NELL1: variants seen among roughly 807,000 people sequenced by gnomAD.
NELL1 encodes the protein neural EGFL like 1.
NELL1 carries 76 observed loss-of-function variants against 107.4 expected under a neutral mutation model. The observed-to-expected ratio is 0.71, with a 90% confidence interval of 0.59 to 0.86. NELL1 has a LOEUF of 0.86. Among genes scored for constraint, NELL1 ranks in the 40% least tolerant of loss-of-function variants. The pLI, the probability that NELL1 is intolerant of heterozygous loss-of-function variation, is 0.00. For missense variants in NELL1, 1,024 were observed against 1,005.5 expected (o/e 1.02, Z -0.25); for synonymous variants, 353 against 341.2 (o/e 1.03, Z -0.38).
At chr11:20,878,613 T>TTA (rs1364015875) in intron 4 of NELL1, among the ~76,000 whole-genome samples, 2 of 152,158 alleles carry the variant, frequency 1.3e-5, no homozygotes, top group Non-Finnish European at 2.9e-5. Flanking sequence ...TTGAAAAGGG[T>TTA]TATTACATTT....
At chr11:21,339,548 G>A (rs563346473) in intron 14 of NELL1, among the ~76,000 whole-genome samples, 4 of 152,256 alleles carry the variant, frequency 2.6e-5, no homozygotes, top group South Asian at 2.1e-4. Context: ...TCTTTTCATC[G>A]TGTCAGTGCC....
At chr11:21,389,573 G>GAT (rs765790471) in intron 15 of NELL1, among the ~76,000 whole-genome samples, 3 of 151,792 alleles carry the variant, frequency 2.0e-5, no homozygotes, top group South Asian at 2.1e-4. Flanking sequence ...TGAAAACTAT[G>GAT]ATATGTATAT....
At chr11:21,495,981 T>G (rs907687579) in intron 15 of NELL1, among the ~76,000 whole-genome samples, 2 of 152,114 alleles carry the variant, frequency 1.3e-5, no homozygotes, top group South Asian at 4.1e-4. Context: ...ACTTTAAAAA[T>G]AATTTAGAAC....
rs1854099834 is a variant in NELL1, at chr11:20,677,931, G to C, written c.56-1G>C. On this transcript the variant is annotated splice_acceptor_variant, in intron 1 of 19. Coordinates refer to ENST00000357134, the MANE Select transcript of NELL1 (RefSeq NM_006157.5). LOFTEE classifies it high-confidence loss of function. ...CCAAACAACTCTTTGTTCCTTTCCA[G>C]TGGTGGGCTTTGGGATGGACCCTGA... 3.7e-6 allele frequency: 6 copies of C among 1,614,064 alleles called. No individual in the cohort carries two copies. Among genetic ancestry groups the C allele is most frequent in the South Asian group, 1.1e-5 (1 of 91,044 alleles).
chr11:20,942,231 A>G (rs1309531700), intron 10 of NELL1, among the ~76,000 whole-genome samples: 2 of 152,172 alleles, frequency 1.3e-5, no homozygotes, highest in African/African-American at 4.8e-5. Flanking sequence ...ACTGTACCCT[A>G]AAGGTTAGCT....
chr11:21,324,457 T>G (rs1194496179), intron 14 of NELL1, among the ~76,000 whole-genome samples: 1 of 152,086 alleles, frequency 6.6e-6, no homozygotes, highest in Non-Finnish European at 1.5e-5. Flanking sequence ...GATTTTACAT[T>G]TTCTTCTAAT....
chr11:21,389,525 A>G (rs1851820082), intron 15 of NELL1, among the ~76,000 whole-genome samples: 1 of 151,780 alleles, frequency 6.6e-6, no homozygotes, highest in African/African-American at 2.4e-5. Flanking sequence ...AAGAGGGAAA[A>G]GCAGGTCTGG....
At chr11:20,715,059 T>A (rs569518079) in intron 2 of NELL1, among the ~76,000 whole-genome samples, 1 of 151,872 alleles carries the variant, frequency 6.6e-6, no homozygotes, top group Non-Finnish European at 1.5e-5. Flanking sequence ...CTGGCTAACA[T>A]GGTGAAACCC....
At chr11:20,714,839 C>T (rs1855201776) in intron 2 of NELL1, among the ~76,000 whole-genome samples, 1 of 152,114 alleles carries the variant, frequency 6.6e-6, no homozygotes, top group Non-Finnish European at 1.5e-5. Flanking sequence ...AAATCAAAGA[C>T]AAAAGGCAAA....
chr11:20,930,787 CACTA>C (rs1256936690), intron 9 of NELL1, among the ~76,000 whole-genome samples: 1 of 149,878 alleles, frequency 6.7e-6, no homozygotes, highest in Admixed American at 6.6e-5. Flanking sequence ...TTGATACACA[CACTA>C]ACTAAAACAT....
intron 2 of NELL1, among the ~76,000 whole-genome samples, chr11:20,704,679 A>C (rs947406925): frequency 1.3e-4 from 20 of 152,024 alleles, no homozygotes; most frequent in African/African-American, 4.8e-4. Flanking sequence ...TTCCTTCAGG[A>C]GCTCTTGTAA....
intron 3 of NELL1, among the ~76,000 whole-genome samples, chr11:20,784,400 T>TC (rs2133983262): frequency 6.6e-6 from 1 of 152,338 alleles, no homozygotes; most frequent in South Asian, 2.1e-4. Flanking sequence ...GTGAGTATTC[T>TC]ACATGCTGAA....
intron 15 of NELL1, among the ~76,000 whole-genome samples, chr11:21,473,630 G>T (rs527748436): frequency 5.9e-5 from 9 of 152,054 alleles, no homozygotes; most frequent in Admixed American, 5.9e-4. Context: ...AGCTAACTTG[G>T]CATTCCCTTA....
chr11:20,698,347 G>T (rs187647132), intron 2 of NELL1, among the ~76,000 whole-genome samples: 1 of 152,104 alleles, frequency 6.6e-6, no homozygotes, highest in African/African-American at 2.4e-5. Context: ...CACTTCTACC[G>T]TCTGCACTAA....
intron 12 of NELL1, among the ~76,000 whole-genome samples, chr11:21,103,339 A>T (rs187524725): frequency 2.0e-4 from 30 of 152,258 alleles, no homozygotes; most frequent in Admixed American, 4.6e-4. Context: ...AACTGTGGGA[A>T]ATTGCTATCG....
chr11:20,705,655 A>G lies in NELL1; in HGVS notation c.184+27595A>G, dbSNP rs372529450. ...AAAAGCAATGGCAACAAAAGCCAAA[A>G]TTGACAAATGGGATCTAATTAAACT... On this transcript the variant is annotated intron_variant, in intron 2 of 19. Transcript: ENST00000357134. 2.1e-3 allele frequency among the ~76,000 whole-genome samples: 266 copies of G among 128,122 alleles called. 2 individuals are homozygous for G. Among genetic ancestry groups the G allele is most frequent in the Non-Finnish European group, 2.6e-3 (151 of 57,668 alleles). 84.1% of individuals were successfully genotyped at this position (128,122 alleles called of 152,430 possible).
chr11:20,789,660 G>A (rs977912202), intron 3 of NELL1, among the ~76,000 whole-genome samples: 3 of 152,240 alleles, frequency 2.0e-5, no homozygotes, highest in Non-Finnish European at 4.4e-5. Context: ...GGAAGAATGA[G>A]GTACACAGAC....
intron 10 of NELL1, among the ~76,000 whole-genome samples, chr11:20,940,579 A>G (rs1375688286): frequency 6.6e-6 from 1 of 152,100 alleles, no homozygotes; most frequent in Non-Finnish European, 1.5e-5. Flanking sequence ...TGGTGGTCTC[A>G]GGGATTTCTC....
intron 15 of NELL1, among the ~76,000 whole-genome samples, chr11:21,415,494 T>G (rs1852494946): frequency 6.6e-6 from 1 of 152,122 alleles, no homozygotes; most frequent in East Asian, 1.9e-4. Flanking sequence ...GCATCTAGAT[T>G]AAAAATGTAG....
Sources: allele counts gnomAD v4.1 joint callset (sites outside exome capture counted in the v4.1 genomes callset), GRCh38; gene constraint gnomAD v4.1.1; transcripts MANE v1.5; gene names NCBI Gene and HGNC (gene_info 2026-07-23, HGNC 2026-07-21).